CERS6: variants seen among roughly 807,000 people sequenced by gnomAD.
CERS6 encodes LAG1 homolog, ceramide synthase 6.
In CERS6, 26 loss-of-function variants were observed where a neutral mutation model predicts 56.8. The ratio of observed to expected loss-of-function variants is 0.46; its 90% CI spans 0.34 to 0.63. The LOEUF is 0.63. Among genes scored for constraint, CERS6 ranks in the 30% least tolerant of loss-of-function variants. CERS6 has a pLI of 0.01. For synonymous variants in CERS6, 164 were observed against 173.3 expected (o/e 0.95, Z 0.42); for missense variants, 415 against 467.5 (o/e 0.89, Z 1.04).
chr2:168,537,462 C>T (rs1437734843), intron 1 of CERS6, among the ~76,000 whole-genome samples: 2 of 152,056 alleles, frequency 1.3e-5, no homozygotes, highest in Non-Finnish European at 2.9e-5. Flanking sequence ...GGCTAATTTC[C>T]TCCGGTACAG....
intron 4 of CERS6, among the ~76,000 whole-genome samples, chr2:168,680,993 C>T (rs1686201663): frequency 6.6e-6 from 1 of 152,156 alleles, no homozygotes; most frequent in African/African-American, 2.4e-5. Context: ...TGCTAAGTTC[C>T]CTGAGAATGG....
intron 8 of CERS6, among the ~76,000 whole-genome samples, chr2:168,725,184 T>G (rs1372736664): frequency 6.6e-6 from 1 of 152,236 alleles, no homozygotes; most frequent in Non-Finnish European, 1.5e-5. Flanking sequence ...GCCGGCCGGC[T>G]GCTTCAAGTG....
At chr2:168,723,334 C>T (rs1209989196) in intron 8 of CERS6, among the ~76,000 whole-genome samples, 1 of 152,186 alleles carries the variant, frequency 6.6e-6, no homozygotes, top group African/African-American at 2.4e-5. Flanking sequence ...CCTCCCAATA[C>T]TTTCTGCCTT....
chr2:168,485,403 A>G lies in CERS6; in HGVS notation c.170+28785A>G, dbSNP rs565652292. Among the ~76,000 whole-genome samples, 12 of 152,266 alleles carry G rather than the reference A, an allele frequency of 7.9e-5. No individual in the cohort carries two copies. In the South Asian group the frequency reaches 1.9e-3, roughly 24 times the overall value. ...ATTCACTCTTTGTGTTGTACGTTCCATGAGTTTTGCAAATGTATAGTGAGG... is the reference window on the plus strand; with the variant it reads ...ATTCACTCTTTGTGTTGTACGTTCCGTGAGTTTTGCAAATGTATAGTGAGG... On this transcript the variant is annotated intron_variant, in intron 1 of 9. Transcript: ENST00000305747.
chr2:168,536,632 C>T (rs1695269312), intron 1 of CERS6, among the ~76,000 whole-genome samples: 1 of 151,974 alleles, frequency 6.6e-6, no homozygotes, highest in Admixed American at 6.5e-5. Context: ...CATGCCCTAC[C>T]AGGATATGTA....
At chr2:168,623,332 T>C (rs1041863443) in intron 3 of CERS6, among the ~76,000 whole-genome samples, 11 of 152,174 alleles carry the variant, frequency 7.2e-5, no homozygotes, top group African/African-American at 2.4e-4. Flanking sequence ...GGATCTAATA[T>C]ATAGCACAGT....
intron 3 of CERS6, among the ~76,000 whole-genome samples, chr2:168,604,198 T>C (rs1484758427): frequency 2.0e-5 from 3 of 152,230 alleles, no homozygotes; most frequent in African/African-American, 7.2e-5. Flanking sequence ...CCCTTAACCC[T>C]ATTTCCTGGC....
At position 168,456,864 on chromosome 2, in the gene CERS6, C is replaced by T. The variant is rs532291934; in HGVS notation, c.170+246C>T. Among the ~76,000 whole-genome samples the T allele has an allele frequency of 6.6e-6, 1 of 152,346 alleles. No homozygotes were observed. The highest frequency in any genetic ancestry group is 6.5e-5 in the Admixed American group (1 of 15,314). ...GAGCCGCGGAGCGTTAGGGTCGCCC[C>T]CTGCCCTCCTCCTGGGCCCTGCTCT... On this transcript the variant is annotated intron_variant, in intron 1 of 9. Coordinates refer to ENST00000305747, the MANE Select transcript of CERS6 (RefSeq NM_203463.3). This position sits in a 1 kb window ranked among gnomAD's most constrained non-coding sequence, Gnocchi z 4.1.
chr2:168,653,775 A>AAAGG lies in CERS6; in HGVS notation c.465+22734_465+22735insAGGA, dbSNP rs199712120. Among the ~76,000 whole-genome samples the AAAGG allele has an allele frequency of 7.9e-4, 120 of 152,358 alleles. 1 individual carries two copies. In the East Asian group the frequency reaches 0.022, roughly 27 times the overall value. On this transcript the variant is annotated intron_variant, in intron 4 of 9. Transcript: ENST00000305747. ...ACAGTAAAATTCTGCCAAAACCAATAATGAATTGGAACTTACAAATCCCTG... is the reference window on the plus strand; with the variant it reads ...ACAGTAAAATTCTGCCAAAACCAATAAAGGATGAATTGGAACTTACAAATCCCTG...
chr2:168,579,372 A>G (rs11691693), intron 3 of CERS6, among the ~76,000 whole-genome samples: 100,559 of 151,904 alleles, frequency 0.66, 38,229 homozygotes, highest in South Asian at 0.88. Flanking sequence ...GGGCTTTCAA[A>G]TTAGAGACCT....
At chr2:168,710,847 G>A (rs116814348) in intron 6 of CERS6, among the ~76,000 whole-genome samples, 1,571 of 152,284 alleles carry the variant, frequency 0.01, 25 homozygotes, top group Middle Eastern at 0.051. Flanking sequence ...CTGCCAGTGA[G>A]CTGAGAACTA....
At chr2:168,664,339 T>C (rs61678651) in intron 4 of CERS6, among the ~76,000 whole-genome samples, 4,265 of 152,250 alleles carry the variant, frequency 0.028, 163 homozygotes, top group African/African-American at 0.085. Flanking sequence ...TGTTAGGGAC[T>C]AAGTCTACAC....
chr2:168,574,229 A>G (rs1407893052), intron 3 of CERS6, among the ~76,000 whole-genome samples: 1 of 152,170 alleles, frequency 6.6e-6, no homozygotes, highest in Non-Finnish European at 1.5e-5. Flanking sequence ...AAAATAAAAT[A>G]TTGTCTTATC....
intron 8 of CERS6, among the ~76,000 whole-genome samples, chr2:168,752,320 T>TAGAG (rs1553516312): frequency 4.8e-5 from 6 of 125,224 alleles, no homozygotes; most frequent in South Asian, 5.0e-4. Flanking sequence ...TGTGTGTGTA[T>TAGAG]AGAGAGAGAG....
At chr2:168,559,734 C>CTATAT (rs1695752127) in intron 2 of CERS6, among the ~76,000 whole-genome samples, 1 of 85,510 alleles carries the variant, frequency 1.2e-5, no homozygotes. Context: ...AGAAAGGTAT[C>CTATAT]ATATATATAT....
At chr2:168,583,406 G>C (rs1311272988) in intron 3 of CERS6, among the ~76,000 whole-genome samples, 1 of 152,078 alleles carries the variant, frequency 6.6e-6, no homozygotes, top group Non-Finnish European at 1.5e-5. Context: ...TTTGGATAGG[G>C]GCAAAGCCTA....
intron 3 of CERS6, among the ~76,000 whole-genome samples, chr2:168,571,641 T>A (rs1695989190): frequency 6.6e-6 from 1 of 152,144 alleles, no homozygotes; most frequent in Non-Finnish European, 1.5e-5. Flanking sequence ...TAAAAGCAAT[T>A]GGAGCCAACT....
chr2:168,666,739 G>GTTTAAATT (rs1685771926), intron 4 of CERS6, among the ~76,000 whole-genome samples: 1 of 152,214 alleles, frequency 6.6e-6, no homozygotes, highest in African/African-American at 2.4e-5. Flanking sequence ...TTGAGAAGCA[G>GTTTAAATT]TTTAAATTTG....
intron 2 of CERS6, among the ~76,000 whole-genome samples, chr2:168,557,020 A>G (rs11903604): frequency 1.5e-5 from 2 of 137,910 alleles, no homozygotes; most frequent in Admixed American, 7.5e-5. Flanking sequence ...AAAAAAAAAA[A>G]AGGCATGTTG....
Sources: allele counts gnomAD v4.1 joint callset (sites outside exome capture counted in the v4.1 genomes callset), GRCh38; gene constraint gnomAD v4.1.1; non-coding constraint Gnocchi (gnomAD v3.1); transcripts MANE v1.5; gene names NCBI Gene and HGNC (gene_info 2026-07-23, HGNC 2026-07-21).